The following FMNL3 variants were observed in gnomAD, a reference collection of about 807,000 sequenced individuals.
FMNL3 encodes the protein formin like 3, also known as formin-like protein 3.
A neutral mutation model predicts 119.6 loss-of-function variants in FMNL3; 57 were observed. That is an observed-to-expected ratio of 0.48 (90% CI 0.39 to 0.59). FMNL3 has a LOEUF of 0.59. Ranked by LOEUF, FMNL3 falls within the 20% of genes least tolerant of loss-of-function variation. FMNL3 has a pLI of 0.00. For missense variants in FMNL3, 1,053 were observed against 1,323.5 expected (o/e 0.80, Z 3.17); for synonymous variants, 491 against 507.3 (o/e 0.97, Z 0.43).
intron 17 of FMNL3, among the ~76,000 whole-genome samples, chr12:49,650,213 C>T (rs1015002678): frequency 6.6e-6 from 1 of 152,138 alleles, no homozygotes; most frequent in Non-Finnish European, 1.5e-5. Flanking sequence ...CTGCCCAACT[C>T]TCTACCTTCT....
chr12:49,703,975 T>A (rs1299178409), intron 1 of FMNL3, among the ~76,000 whole-genome samples: 1 of 152,110 alleles, frequency 6.6e-6, no homozygotes, highest in East Asian at 1.9e-4. Flanking sequence ...TTTCTAAACT[T>A]TAAAACCCCT....
intron 1 of FMNL3, among the ~76,000 whole-genome samples, chr12:49,704,710 C>CAAAAAAAAA (rs59799899): frequency 0.011 from 414 of 37,836 alleles, 9 homozygotes; most frequent in Non-Finnish European, 0.022. Context: ...AACTCCATCT[C>CAAAAAAAAA]AAAAAAAAAA....
chr12:49,700,714 C>CAAA (rs59073094), intron 1 of FMNL3, among the ~76,000 whole-genome samples: 6 of 63,984 alleles, frequency 9.4e-5, no homozygotes, highest in Admixed American at 2.2e-4. Context: ...GACTCCACCT[C>CAAA]AAAAAAAAAA....
chr12:49,648,123 A>G, intron 22 of FMNL3, 70 bp downstream of exon 22: 1 of 1,505,602 alleles, frequency 6.6e-7, no homozygotes, highest in Non-Finnish European at 8.9e-7. Flanking sequence ...AAAAAAATAG[A>G]ACTAGGGCCA....
chr12:49,676,543 T>C (rs1383981618), intron 1 of FMNL3, among the ~76,000 whole-genome samples: 2 of 132,990 alleles, frequency 1.5e-5, no homozygotes, highest in Non-Finnish European at 3.1e-5. Context: ...TTTTTTTTTT[T>C]TGCATATGCT....
chr12:49,646,797 G>T (rs1167984394), intron 25 of FMNL3, 89 bp downstream of exon 25: 1 of 1,605,322 alleles, frequency 6.2e-7, no homozygotes, highest in African/African-American at 1.3e-5. Flanking sequence ...CTCATGGGGG[G>T]TGGGGTGGGA....
Position 49,644,343 on chromosome 12 carries a change from A to C in FMNL3, c.*1472T>G. 1.3e-4 allele frequency: 114 copies of C among 875,238 alleles called. No homozygotes were observed. The highest frequency in any genetic ancestry group is 1.9e-4 in the Non-Finnish European group (106 of 557,654). 54.2% of individuals were successfully genotyped at this position (875,238 alleles called of 1,614,324 possible). ...CAGCACACCATTGTTGGCACCTCTC[A>C]AGGTTGCTCTTGGTGTTCAAGGGTC... On this transcript the variant is annotated 3_prime_UTR_variant, in exon 26 of 26. Coordinates refer to ENST00000335154, the MANE Select transcript of FMNL3 (RefSeq NM_175736.5).
chr12:49,648,978 T>C (rs1943303980), intron 21 of FMNL3, 51 bp downstream of exon 21: 5 of 1,527,050 alleles, frequency 3.3e-6, no homozygotes, highest in Non-Finnish European at 4.4e-6. Flanking sequence ...CTTCCTGGGA[T>C]TGTCCTGGGC....
intron 9 of FMNL3, 45 bp downstream of exon 9, chr12:49,656,359 T>C: frequency 6.6e-7 from 1 of 1,513,602 alleles, no homozygotes; most frequent in Non-Finnish European, 9.1e-7. Flanking sequence ...CCCTGCCTTC[T>C]CCCCCGCAAA....
intron 1 of FMNL3, among the ~76,000 whole-genome samples, chr12:49,705,055 C>A (rs939394556): frequency 6.6e-6 from 1 of 152,164 alleles, no homozygotes; most frequent in Non-Finnish European, 1.5e-5. Context: ...CACTTAAGAG[C>A]CCCCAGAGAA....
In FMNL3 at chr12:49,645,877, G is replaced by T; in HGVS notation, c.3022C>A (p.Arg1008Ser). 1.2e-6 allele frequency: 2 copies of T among 1,611,810 alleles called. No homozygotes were observed. The highest frequency in any genetic ancestry group is 2.2e-5 in the South Asian group (2 of 90,858). ...TGLHCQPMVVRHQARSAAPPS... is the reference protein window; with the variant it reads ...TGLHCQPMVVSHQARSAAPPS... Reference sequence around the variant, plus strand: ...GGTGCAGCACTCCTGGCTTGGTGGCGAACAACCATAGGCTGGCAGTGGAGG... The same window carrying T: ...GGTGCAGCACTCCTGGCTTGGTGGCTAACAACCATAGGCTGGCAGTGGAGG... Residue 1008 changes from arginine to serine, a missense_variant, in exon 26 of 26, where the codon CGC (arginine) becomes AGC (serine). By Grantham distance (110) the Arg-to-Ser change is moderately radical. This residue lies in a region of FMNL3 where 324 missense variants were observed against 380.9 expected (regional missense o/e 0.85). Coordinates refer to ENST00000335154, the MANE Select transcript of FMNL3 (RefSeq NM_175736.5).
At chr12:49,698,867 T>C (rs1944825689) in intron 1 of FMNL3, among the ~76,000 whole-genome samples, 1 of 152,210 alleles carries the variant, frequency 6.6e-6, no homozygotes, top group African/African-American at 2.4e-5. Context: ...CTCAGTTCTA[T>C]TCTGGAATCC....
rs1371911185 is a variant in FMNL3 at position 49,643,832 on chromosome 12, C to G, written c.*1983G>C. The G allele has an allele frequency of 5.6e-6, 9 of 1,614,066 alleles. No homozygotes were observed. The highest frequency in any genetic ancestry group is 1.7e-4 in the Middle Eastern group (1 of 6,060). The stretch of plus-strand genomic sequence containing the variant: ...CTGCCTCCCAGGCTATCCACAGGAA[C>G]TGAGGAGGTGGGCTCTGGACTCTTA... On this transcript the variant is annotated 3_prime_UTR_variant, in exon 26 of 26. Transcript: ENST00000335154.
chr12:49,638,853 G>T lies in FMNL3; in HGVS notation c.*6962C>A, dbSNP rs1365841303. ...AATTACAGAGATTAAATGGTACCTG[G>T]GTTGAAAGGGATCTGGAAATAAAGC... On this transcript the variant is annotated 3_prime_UTR_variant, in exon 26 of 26. Transcript: ENST00000335154. The T allele has an allele frequency of 6.6e-6, 1 of 152,196 alleles. No individual in the cohort carries two copies. Among genetic ancestry groups the T allele is most frequent in the East Asian group, 1.9e-4 (1 of 5,200 alleles). 9.4% of individuals were successfully genotyped at this position (152,196 alleles called of 1,614,324 possible).
At chr12:49,657,731 C>G (rs1310953015) in intron 6 of FMNL3, among the ~76,000 whole-genome samples, 1 of 152,178 alleles carries the variant, frequency 6.6e-6, no homozygotes. Flanking sequence ...ACAGTATCTG[C>G]TCATCCATGA....
chr12:49,648,964 A>G (rs1943303318), intron 21 of FMNL3, 65 bp downstream of exon 21: 1 of 1,524,422 alleles, frequency 6.6e-7, no homozygotes, highest in Non-Finnish European at 8.8e-7. Flanking sequence ...CTCTCTCCTC[A>G]TAGCTTCCTG....
rs749638078 is a variant in FMNL3 at position 49,658,459 on chromosome 12, C to T, written c.588G>A (p.Ala196=). 1.2e-5 allele frequency: 20 copies of T among 1,608,326 alleles called. No homozygotes were observed. The highest frequency in any genetic ancestry group is 6.7e-5 in the East Asian group (3 of 44,712). Reference sequence around the variant, plus strand: ...ACACATACCGGAGCACAGACTGGCGCGCAGAGCGAGCGAGGCTGTTGGTGA... The same window carrying T: ...ACACATACCGGAGCACAGACTGGCGTGCAGAGCGAGCGAGGCTGTTGGTGA... ...APFTNSLARS[A]RQSVLRYSTL... Residue 196 remains alanine, a synonymous_variant, in exon 6 of 26, where the codon GCG becomes GCA. Coordinates refer to ENST00000335154, the MANE Select transcript of FMNL3 (RefSeq NM_175736.5).
chr12:49,641,915 G>C lies in FMNL3; in HGVS notation c.*3900C>G. 6.2e-7 allele frequency: 1 copy of C among 1,613,268 alleles called. No individual in the cohort carries two copies. Among genetic ancestry groups the C allele is most frequent in the South Asian group, 1.1e-5 (1 of 91,042 alleles). On this transcript the variant is annotated 3_prime_UTR_variant, in exon 26 of 26. Coordinates refer to ENST00000335154, the MANE Select transcript of FMNL3 (RefSeq NM_175736.5). ...GCACTGCTGTACCCACAGGACCGGG[G>C]CTTCTGCGTGGAGGTGAACACGGCC...
chr12:49,669,996 T>C (rs768127769), intron 1 of FMNL3, among the ~76,000 whole-genome samples: 25 of 152,384 alleles, frequency 1.6e-4, no homozygotes, highest in Admixed American at 5.2e-4. Context: ...TGATCACCCA[T>C]GTGACTTCCC....
Sources: allele counts gnomAD v4.1 joint callset (sites outside exome capture counted in the v4.1 genomes callset), GRCh38; gene constraint gnomAD v4.1.1; regional missense constraint gnomAD v4.1.1; transcripts MANE v1.5; gene names NCBI Gene and HGNC (gene_info 2026-07-23, HGNC 2026-07-21).